Variants in CAST observed in about 807,000 individuals in gnomAD.
CAST encodes the protein calpastatin, also known as MIR583 host.
A neutral mutation model predicts 119.6 loss-of-function variants in CAST; 76 were observed. The ratio of observed to expected loss-of-function variants is 0.64; its 90% CI spans 0.53 to 0.77. The LOEUF (loss-of-function observed/expected upper bound fraction) is 0.77. Ranked by LOEUF, CAST falls within the 30% of genes least tolerant of loss-of-function variation. CAST has a pLI of 0.00. For missense variants in CAST, 953 were observed against 946.5 expected (o/e 1.01, Z -0.09); for synonymous variants, 319 against 331.6 (o/e 0.96, Z 0.41).
chr5:96,149,394 C>T, the CAST span, among the ~76,000 whole-genome samples: 2 of 152,162 alleles, frequency 1.3e-5, no homozygotes, highest in Admixed American at 1.3e-4. Flanking sequence ...CATCACCATC[C>T]CTATGCACTT....
intron 1 of CAST, among the ~76,000 whole-genome samples, chr5:96,559,565 C>T (rs1746314775): frequency 6.6e-6 from 1 of 152,102 alleles, no homozygotes; most frequent in African/African-American, 2.4e-5. Flanking sequence ...ACACCAATAA[C>T]AAACAGAGAG....
the CAST span, among the ~76,000 whole-genome samples, chr5:96,335,170 C>T: frequency 6.6e-6 from 1 of 152,152 alleles, no homozygotes; most frequent in African/African-American, 2.4e-5. Context: ...TACCTTTGAC[C>T]CCCATGTCCT....
Position 96,741,324 on chromosome 5 carries a change from C to T in CAST, c.977C>T (p.Ser326Leu), listed in dbSNP as rs777835139. 1.6e-5 allele frequency: 26 copies of T among 1,612,442 alleles called. No individual in the cohort carries two copies. The highest frequency in any genetic ancestry group is 1.6e-4 in the East Asian group (7 of 44,862). The change falls in exon 14 of 32, where the codon TCG (serine) becomes TTG (leucine). Residue 326 changes from serine (S) to leucine (L), a missense_variant. Physicochemically the swap from Ser to Leu is moderately radical, Grantham distance 145. Transcript: ENST00000675179. The stretch of plus-strand genomic sequence containing the variant: ...TTGTCATCTGACTTCACCTGTGGGT[C>T]GCCTACAGCTGCTGGAAAGAAAACT... Reference protein sequence around the residue: ...DALSSDFTCGSPTAAGKKTEK... With the variant: ...DALSSDFTCGLPTAAGKKTEK...
intron 24 of CAST, chr5:96,761,131 GAATTA>G (rs1329203758): frequency 1.3e-5 from 2 of 152,110 alleles, no homozygotes; most frequent in Admixed American, 1.3e-4. Flanking sequence ...AGCATTAGAT[GAATTA>G]AATAACATAT....
chr5:96,481,112 T>G, the CAST span, among the ~76,000 whole-genome samples: 2 of 149,710 alleles, frequency 1.3e-5, no homozygotes, highest in Admixed American at 6.6e-5. Flanking sequence ...AATCAAAGTT[T>G]TTTTTTTTTT....
the CAST span, among the ~76,000 whole-genome samples, chr5:96,178,429 A>G: frequency 6.6e-6 from 1 of 152,158 alleles, no homozygotes; most frequent in African/African-American, 2.4e-5. Context: ...GAATCTTAAG[A>G]TTGTATTCAC....
chr5:96,070,113 A>G, the CAST span, among the ~76,000 whole-genome samples: 1 of 152,268 alleles, frequency 6.6e-6, no homozygotes, highest in South Asian at 2.1e-4. Flanking sequence ...AAGCCCTCAA[A>G]TGATTGGATG....
chr5:96,443,706 G>A, the CAST span, among the ~76,000 whole-genome samples: 1 of 152,088 alleles, frequency 6.6e-6, no homozygotes, highest in African/African-American at 2.4e-5. Context: ...GTGTGGCATG[G>A]GTCACACCAG....
chr5:96,402,304 G>A, the CAST span, among the ~76,000 whole-genome samples: 1 of 152,228 alleles, frequency 6.6e-6, no homozygotes, highest in African/African-American at 2.4e-5. Flanking sequence ...CAGACACAGT[G>A]TGCAGTTTGT....
chr5:96,650,406 A>G (rs1203539983), intron 1 of CAST, among the ~76,000 whole-genome samples: 4 of 152,206 alleles, frequency 2.6e-5, no homozygotes, highest in Admixed American at 2.6e-4. Context: ...TGCATGAAAA[A>G]GGAATGTGCT....
At chr5:96,195,958 T>C in the CAST span, among the ~76,000 whole-genome samples, 3 of 152,230 alleles carry the variant, frequency 2.0e-5, no homozygotes, top group Admixed American at 2.0e-4. Context: ...ATTTTCATTC[T>C]GTTACATTCA....
chr5:96,313,114 C>T, the CAST span, among the ~76,000 whole-genome samples: 51 of 152,122 alleles, frequency 3.4e-4, no homozygotes, highest in African/African-American at 1.2e-3. Context: ...AATGGTCAAA[C>T]CATAATCAAA....
intron 1 of CAST, among the ~76,000 whole-genome samples, chr5:96,646,327 A>C (rs1220902715): frequency 6.6e-6 from 1 of 152,236 alleles, no homozygotes; most frequent in Non-Finnish European, 1.5e-5. Context: ...AAAACTGTTC[A>C]TTACAGCATC....
At chr5:96,412,750 A>ATTTT in the CAST span, among the ~76,000 whole-genome samples, 25 of 63,386 alleles carry the variant, frequency 3.9e-4, no homozygotes, top group African/African-American at 9.5e-4. Flanking sequence ...GGCAGCTGTG[A>ATTTT]TGTTTTTTTT....
chr5:95,976,380 G>T, the CAST span, among the ~76,000 whole-genome samples: 1 of 151,840 alleles, frequency 6.6e-6, no homozygotes, highest in Non-Finnish European at 1.5e-5. Flanking sequence ...TTGCTGATTT[G>T]GTGTTCATAT....
intron 1 of CAST, among the ~76,000 whole-genome samples, chr5:96,590,548 C>T (rs1005425170): frequency 6.6e-6 from 1 of 152,164 alleles, no homozygotes; most frequent in East Asian, 1.9e-4. Flanking sequence ...GACACCATGT[C>T]CTAAATGTGC....
intron 1 of CAST, among the ~76,000 whole-genome samples, chr5:96,588,521 C>T (rs976861416): frequency 3.3e-5 from 5 of 152,132 alleles, no homozygotes; most frequent in East Asian, 1.9e-4. Context: ...TTTCTTCATG[C>T]AAACATAAGT....
the CAST span, among the ~76,000 whole-genome samples, chr5:96,510,894 A>ATGTGG: frequency 6.6e-6 from 1 of 152,244 alleles, no homozygotes; most frequent in Non-Finnish European, 1.5e-5. Context: ...AGTGAGGTGT[A>ATGTGG]TGTGGGGTTT....
the CAST span, among the ~76,000 whole-genome samples, chr5:96,064,563 A>T: frequency 2.0e-4 from 31 of 152,248 alleles, no homozygotes; most frequent in East Asian, 4.2e-3. Flanking sequence ...TAATTACAGA[A>T]TGTGCCTAAA....
Sources: gnomAD v4.1 joint callset for allele counts (sites outside exome capture counted in the v4.1 genomes callset) on GRCh38, gnomAD v4.1.1 for gene constraint, MANE v1.5 for transcripts, NCBI Gene and HGNC (gene_info 2026-07-23, HGNC 2026-07-21) for gene names.